Variants in ZNRF1 observed in about 807,000 individuals in gnomAD.
ZNRF1 encodes the protein zinc and ring finger 1.
A neutral mutation model predicts 18.4 loss-of-function variants in ZNRF1; 3 were observed. The ratio of observed to expected loss-of-function variants is 0.16; its 90% CI spans 0.07 to 0.42. The LOEUF is 0.42. Among genes scored for constraint, ZNRF1 ranks in the 10% least tolerant of loss-of-function variants. The probability of loss-of-function intolerance (pLI) is 0.99; values close to 1 mark genes in which losing one functional copy is unlikely to be tolerated. For missense variants in ZNRF1, 310 were observed against 329.8 expected, an observed-to-expected ratio of 0.94 and a Z score of 0.47; for synonymous variants, 157 against 144.2, an observed-to-expected ratio of 1.09 and a Z score of -0.64.
rs2036341170 is a variant in ZNRF1, at chr16:75,108,304, AAAC to A, written c.*608_*610del. The A allele has an allele frequency of 3.0e-6, 1 of 332,730 alleles. No homozygotes were observed. Among genetic ancestry groups the A allele is most frequent in the East Asian group, 4.7e-5 (1 of 21,104 alleles). 20.6% of individuals were successfully genotyped at this position (332,730 alleles called of 1,614,324 possible). ...CTAATATCTTGACTTCATTGCCAAA[AAAC>A]AACCCATTGAGAACTTTCTTCCTAC... On this transcript the variant is annotated 3_prime_UTR_variant, in exon 5 of 5. Transcript: ENST00000335325.
At chr16:75,015,094 G>T (rs916834778) in intron 1 of ZNRF1, among the ~76,000 whole-genome samples, 1 of 152,008 alleles carries the variant, frequency 6.6e-6, no homozygotes, top group Non-Finnish European at 1.5e-5. Context: ...CTCTCAGTTT[G>T]TGGCTTATCT....
chr16:75,016,503 G>A (rs1228131239), intron 1 of ZNRF1, among the ~76,000 whole-genome samples: 1 of 151,870 alleles, frequency 6.6e-6, no homozygotes, highest in African/African-American at 2.4e-5. Flanking sequence ...GCCTTCCAAA[G>A]TGCTGGGATT....
intron 1 of ZNRF1, among the ~76,000 whole-genome samples, chr16:75,084,849 A>G (rs1229815403): frequency 1.3e-5 from 2 of 152,108 alleles, no homozygotes; most frequent in Admixed American, 1.3e-4. Flanking sequence ...AACACAGCTC[A>G]CTGCTTGACA....
chr16:75,084,157 C>T (rs917918145), intron 1 of ZNRF1, among the ~76,000 whole-genome samples: 6 of 152,336 alleles, frequency 3.9e-5, no homozygotes, highest in African/African-American at 9.6e-5. Context: ...GGTGTGTGCA[C>T]GTTCTTCCGT....
rs2036338396 is a variant in ZNRF1, at chr16:75,108,027, A to G, written c.*327A>G. The G allele has an allele frequency of 3.1e-6, 1 of 319,678 alleles. No homozygotes were observed. The allele number at this position is 319,678 out of a possible 1,614,324, so 19.8% of individuals were successfully genotyped here. On this transcript the variant is annotated 3_prime_UTR_variant, in exon 5 of 5. Transcript: ENST00000335325. The stretch of plus-strand genomic sequence containing the variant: ...TACAAAAAAAAATTATATAAAAAAA[A>G]AGTCTAGTGTCGACTGGTGTTTTCC...
chr16:75,033,436 A>G (rs2035332662), intron 1 of ZNRF1, among the ~76,000 whole-genome samples: 1 of 114,888 alleles, frequency 8.7e-6, no homozygotes, highest in South Asian at 3.0e-4. Context: ...AGTGTTTTAT[A>G]GTTTTTTTTT....
intron 1 of ZNRF1, among the ~76,000 whole-genome samples, chr16:75,090,573 AG>A (rs1190998266): frequency 6.6e-6 from 1 of 152,194 alleles, no homozygotes; most frequent in Non-Finnish European, 1.5e-5. Flanking sequence ...TTAGAAATAC[AG>A]CCCTTTCCCG....
chr16:75,061,227 G>C (rs766547896), intron 1 of ZNRF1, among the ~76,000 whole-genome samples: 8 of 152,184 alleles, frequency 5.3e-5, no homozygotes, highest in Non-Finnish European at 7.4e-5. Context: ...ACCCTATTGT[G>C]CTATCAAATA....
chr16:75,048,265 A>G (rs1259968759), intron 1 of ZNRF1, among the ~76,000 whole-genome samples: 3 of 152,086 alleles, frequency 2.0e-5, no homozygotes, highest in Admixed American at 6.6e-5. Context: ...TCCTATTCTC[A>G]TATGAACACC....
At chr16:75,003,411 T>G (rs962649321) in intron 1 of ZNRF1, among the ~76,000 whole-genome samples, 1 of 152,236 alleles carries the variant, frequency 6.6e-6, no homozygotes, top group Non-Finnish European at 1.5e-5. Context: ...CTCACATTTT[T>G]TGAGTACATG....
intron 1 of ZNRF1, among the ~76,000 whole-genome samples, chr16:75,055,905 A>T (rs537419005): frequency 5.3e-5 from 8 of 152,338 alleles, no homozygotes; most frequent in African/African-American, 1.9e-4. Flanking sequence ...TAAGAAAACC[A>T]TCAATGTTTC....
chr16:75,049,492 A>G (rs1424457105), intron 1 of ZNRF1, among the ~76,000 whole-genome samples: 1 of 152,082 alleles, frequency 6.6e-6, no homozygotes, highest in East Asian at 1.9e-4. Flanking sequence ...ACACCTGGAT[A>G]GTTTTTAAAA....
intron 1 of ZNRF1, among the ~76,000 whole-genome samples, chr16:75,006,801 T>A (rs1037310846): frequency 6.6e-6 from 1 of 152,166 alleles, no homozygotes; most frequent in Non-Finnish European, 1.5e-5. Context: ...AGCTTTCTCA[T>A]GGCCTAGTCT....
intron 1 of ZNRF1, among the ~76,000 whole-genome samples, chr16:75,061,263 AT>A (rs2035740343): frequency 4.0e-5 from 6 of 151,884 alleles, no homozygotes; most frequent in Admixed American, 3.9e-4. Flanking sequence ...TTTTTCTATT[AT>A]TTTGCACCCA....
intron 1 of ZNRF1, among the ~76,000 whole-genome samples, chr16:75,053,354 C>G (rs2035629280): frequency 6.6e-6 from 1 of 152,012 alleles, no homozygotes; most frequent in Admixed American, 6.6e-5. Context: ...TTTGGGAGGC[C>G]AAGGCAGGTG....
chr16:75,093,468 A>C (rs1438775955), intron 1 of ZNRF1, 104 bp from the exon 2 acceptor site: 5 of 838,908 alleles, frequency 6.0e-6, no homozygotes, highest in Non-Finnish European at 8.0e-6. Context: ...GTCATCCTCC[A>C]CATTGACCCT....
chr16:75,047,532 C>T (rs758793444), intron 1 of ZNRF1, among the ~76,000 whole-genome samples: 1 of 152,252 alleles, frequency 6.6e-6, no homozygotes, highest in Non-Finnish European at 1.5e-5. Flanking sequence ...AATAGAGTCA[C>T]AATGAACACT....
chr16:75,040,029 C>G (rs950626942), intron 1 of ZNRF1, among the ~76,000 whole-genome samples: 3 of 106,924 alleles, frequency 2.8e-5, no homozygotes, highest in Non-Finnish European at 5.5e-5. Flanking sequence ...TCTTTTGTTT[C>G]TTTCTTTTCT....
At chr16:75,087,354 G>C (rs1220189756) in intron 1 of ZNRF1, among the ~76,000 whole-genome samples, 1 of 152,222 alleles carries the variant, frequency 6.6e-6, no homozygotes, top group Non-Finnish European at 1.5e-5. Context: ...GGCAAGTGCA[G>C]ACTTGCCTTC....
Sources: gnomAD v4.1 joint callset for allele counts (sites outside exome capture counted in the v4.1 genomes callset) on GRCh38, gnomAD v4.1.1 for gene constraint, MANE v1.5 for transcripts, NCBI Gene and HGNC (gene_info 2026-07-23, HGNC 2026-07-21) for gene names.